Variants in ARHGEF7 observed in about 807,000 individuals in gnomAD.
ARHGEF7 encodes PAK-interacting exchange factor beta.
Under a neutral mutation model 109.8 loss-of-function variants are expected in ARHGEF7, and 33 were observed. The observed-to-expected ratio is 0.30, with a 90% CI of 0.23 to 0.40. The LOEUF (loss-of-function observed/expected upper bound fraction) is 0.40. ARHGEF7 is among the 10% of genes least tolerant of loss of function. The pLI is 1.00. For synonymous variants in ARHGEF7, 458 were observed against 424.6 expected (o/e 1.08, Z -0.97); for missense variants, 938 against 1,098.5 (o/e 0.85, Z 2.07).
intron 1 of ARHGEF7, among the ~76,000 whole-genome samples, chr13:111,150,734 C>T (rs2075846621): frequency 6.6e-6 from 1 of 152,190 alleles, no homozygotes; most frequent in South Asian, 2.1e-4. Flanking sequence ...CAATAAAGTT[C>T]CCTCGTGTAG....
intron 5 of ARHGEF7, among the ~76,000 whole-genome samples, chr13:111,222,904 G>A (rs1342433929): frequency 1.3e-5 from 2 of 152,230 alleles, no homozygotes; most frequent in African/African-American, 4.8e-5. Flanking sequence ...GTCAACTGTG[G>A]TTCGAAACAG....
chr13:111,255,646 G>A lies in ARHGEF7; in HGVS notation c.950+11352G>A, dbSNP rs2090335960. On this transcript the variant is annotated intron_variant, in intron 8 of 21. Transcript: ENST00000646102. The surrounding 1 kb of genome is among the most constrained non-coding windows in gnomAD (Gnocchi z 4.1). The stretch of plus-strand genomic sequence containing the variant: ...ACTGGCTTTGGAGGGCCCTGAGTGA[G>A]CTGGCTGGTGTTCGTGAAAGAAGAT... 3.3e-5 allele frequency among the ~76,000 whole-genome samples: 5 copies of A among 152,236 alleles called. No homozygotes were observed. The South Asian group carries it at 1.0e-3, about 31-fold the overall frequency.
intron 19 of ARHGEF7, chr13:111,293,337 A>T: frequency 1.0e-6 from 1 of 985,162 alleles, no homozygotes; most frequent in Non-Finnish European, 1.2e-6. Context: ...GTGAAACTCC[A>T]TTTACAGCAA....
At position 111,266,061 on chromosome 13, in the gene ARHGEF7, A is replaced by AT. The variant is rs202073565; in HGVS notation, c.951-1478dup. Reference sequence around the variant, plus strand: ...TTTGTGTTGGATGCTGACGTCTTTCATTTTTTTTTGCATTCCTCTGTCATT... The same window carrying AT: ...TTTGTGTTGGATGCTGACGTCTTTCATTTTTTTTTTGCATTCCTCTGTCATT... On this transcript the variant is annotated intron_variant, in intron 8 of 21. Coordinates refer to ENST00000646102, the MANE Select transcript of ARHGEF7 (RefSeq NM_001354046.2). The surrounding 1 kb of genome is among the most constrained non-coding windows in gnomAD (Gnocchi z 4.8). 1.4e-4 allele frequency among the ~76,000 whole-genome samples: 21 copies of AT among 150,034 alleles called. No homozygotes were observed. Among genetic ancestry groups the AT allele is most frequent in the African/African-American group, 3.2e-4 (13 of 40,868 alleles).
chr13:111,117,174 G>A (rs1365465295), intron 1 of ARHGEF7, among the ~76,000 whole-genome samples: 1 of 152,170 alleles, frequency 6.6e-6, no homozygotes, highest in Non-Finnish European at 1.5e-5. Flanking sequence ...TTTAAGAAGT[G>A]TCATATGCTG....
intron 1 of ARHGEF7, among the ~76,000 whole-genome samples, chr13:111,146,323 C>G (rs1427915322): frequency 6.6e-6 from 1 of 152,208 alleles, no homozygotes; most frequent in Non-Finnish European, 1.5e-5. Context: ...AATCCAAATT[C>G]TTGGGTTCCA....
At chr13:111,171,546 G>A (rs1427712998) in intron 2 of ARHGEF7, among the ~76,000 whole-genome samples, 1 of 152,210 alleles carries the variant, frequency 6.6e-6, no homozygotes, top group African/African-American at 2.4e-5. Flanking sequence ...TGATCTTTTA[G>A]TTGAGGAAGT....
chr13:111,139,782 C>T (rs1223016892), intron 1 of ARHGEF7, among the ~76,000 whole-genome samples: 1 of 152,244 alleles, frequency 6.6e-6, no homozygotes, highest in Non-Finnish European at 1.5e-5. Context: ...GATGCCCATG[C>T]ACAGAGGAAA....
intron 2 of ARHGEF7, among the ~76,000 whole-genome samples, chr13:111,188,467 G>A (rs1594472292): frequency 6.6e-6 from 1 of 152,310 alleles, no homozygotes; most frequent in East Asian, 1.9e-4. Context: ...AGAGTCCACT[G>A]CTATCCATCC....
intron 1 of ARHGEF7, among the ~76,000 whole-genome samples, chr13:111,151,108 A>T (rs1169662463): frequency 2.0e-5 from 3 of 152,212 alleles, no homozygotes; most frequent in African/African-American, 7.2e-5. Context: ...ATTGGTGCAC[A>T]ATAGCAAGGT....
chr13:111,161,795 C>T (rs895858451), intron 2 of ARHGEF7, among the ~76,000 whole-genome samples: 1 of 151,982 alleles, frequency 6.6e-6, no homozygotes, highest in African/African-American at 2.4e-5. Flanking sequence ...ATATCCATGA[C>T]ATCATAGATA....
intron 1 of ARHGEF7, among the ~76,000 whole-genome samples, chr13:111,151,697 AAC>A (rs759214544): frequency 1.3e-5 from 2 of 152,208 alleles, no homozygotes; most frequent in African/African-American, 2.4e-5. Flanking sequence ...AAGCTTATCT[AAC>A]ACATGTATTT....
intron 1 of ARHGEF7, among the ~76,000 whole-genome samples, chr13:111,125,069 C>T (rs1246448934): frequency 6.6e-6 from 1 of 152,066 alleles, no homozygotes; most frequent in Non-Finnish European, 1.5e-5. Context: ...CAGGTGTCTT[C>T]TAGTTTTATT....
At chr13:111,162,406 G>T (rs1373173066) in intron 2 of ARHGEF7, among the ~76,000 whole-genome samples, 1 of 152,226 alleles carries the variant, frequency 6.6e-6, no homozygotes, top group Non-Finnish European at 1.5e-5. Context: ...CTAGAAATTT[G>T]CAGTGTTATC....
intron 6 of ARHGEF7, chr13:111,241,155 CT>C: frequency 6.5e-7 from 1 of 1,534,442 alleles, no homozygotes; most frequent in Admixed American, 2.0e-5. Flanking sequence ...ACTGGCTGAG[CT>C]CAGCTCTGTG....
rs866014003 is a variant in ARHGEF7 at position 111,170,490 on chromosome 13, A to T, written c.252+16499A>T. On this transcript the variant is annotated intron_variant, in intron 2 of 21. Transcript: ENST00000646102. ...TTCCTTCTTACTGGAATTTCTTCTT[A>T]TTTTATCTCTTATGTAGGGAAGCTG... Among the ~76,000 whole-genome samples the T allele has an allele frequency of 2.6e-5, 4 of 152,096 alleles. No individual in the cohort carries two copies. The East Asian group carries it at 7.7e-4, about 29-fold the overall frequency.
At chr13:111,238,968 T>C (rs545188486) in intron 6 of ARHGEF7, among the ~76,000 whole-genome samples, 21 of 152,282 alleles carry the variant, frequency 1.4e-4, no homozygotes, top group African/African-American at 5.1e-4. Context: ...CTGGGGAGGC[T>C]TCAGGAAACT....
At chr13:111,281,181 C>CTTTTTTTTTTTTTTTTTTTTTTTTTTTTT (rs11403258) in intron 15 of ARHGEF7, 3 of 59,422 alleles carry the variant, frequency 5.0e-5, no homozygotes, top group Non-Finnish European at 9.2e-5. Flanking sequence ...TATTTAGAGA[C>CTTTTTTTTTTTTTTTTTTTTTTTTTTTTT]TTTTTTTTTT....
intron 1 of ARHGEF7, among the ~76,000 whole-genome samples, chr13:111,151,291 C>G (rs1281463779): frequency 6.6e-6 from 1 of 152,230 alleles, no homozygotes; most frequent in Non-Finnish European, 1.5e-5. Context: ...TCTTCCGCAG[C>G]CTCCTTATGG....
Sources: allele counts gnomAD v4.1 joint callset (sites outside exome capture counted in the v4.1 genomes callset), GRCh38; gene constraint gnomAD v4.1.1; non-coding constraint Gnocchi (gnomAD v3.1); transcripts MANE v1.5; gene names NCBI Gene and HGNC (gene_info 2026-07-23, HGNC 2026-07-21).